Variants in PVT1 observed in about 807,000 individuals in gnomAD.
The protein encoded by PVT1 is Pvt1 oncogene.
intron 3 of PVT1, among the ~76,000 whole-genome samples, chr8:127,982,423 C>T (rs536315240): frequency 3.3e-5 from 5 of 152,282 alleles, no homozygotes; most frequent in African/African-American, 9.6e-5. Flanking sequence ...GTGCCGGGGA[C>T]TCAGCATTAA....
chr8:128,069,600 C>T (rs1333217611), intron 4 of PVT1, among the ~76,000 whole-genome samples: 1 of 152,132 alleles, frequency 6.6e-6, no homozygotes, highest in Non-Finnish European at 1.5e-5. Context: ...AGAGCTGAGT[C>T]CTTAGGGCTC....
chr8:127,864,688 C>T (rs1174596242), intron 2 of PVT1, among the ~76,000 whole-genome samples: 2 of 152,154 alleles, frequency 1.3e-5, no homozygotes, highest in Non-Finnish European at 1.5e-5. Context: ...GCTGGGACTA[C>T]AGGCGCCCAC....
At chr8:127,856,359 CTT>C in intron 2 of PVT1, among the ~76,000 whole-genome samples, 1 of 144,296 alleles carries the variant, frequency 6.9e-6, no homozygotes, top group African/African-American at 2.5e-5. Context: ...ATTTTTTTTT[CTT>C]TTTTTTTTTT....
chr8:127,872,851 G>C (rs982718412), intron 2 of PVT1, among the ~76,000 whole-genome samples: 2 of 152,168 alleles, frequency 1.3e-5, no homozygotes, highest in African/African-American at 4.8e-5. Flanking sequence ...GTGGTCCCTG[G>C]TCCTTTGTGG....
intron 3 of PVT1, among the ~76,000 whole-genome samples, chr8:127,982,687 A>G (rs1035950240): frequency 1.3e-5 from 2 of 149,134 alleles, no homozygotes; most frequent in Non-Finnish European, 3.0e-5. Flanking sequence ...AATAAAATAA[A>G]TGAATCAATT....
intron 2 of PVT1, among the ~76,000 whole-genome samples, chr8:127,859,764 C>A (rs1422813053): frequency 6.6e-6 from 1 of 151,972 alleles, no homozygotes; most frequent in Non-Finnish European, 1.5e-5. Flanking sequence ...ATTTATTGAA[C>A]CTGTCCTAGC....
chr8:127,967,153 C>A (rs1401876815), intron 3 of PVT1, among the ~76,000 whole-genome samples: 1 of 152,168 alleles, frequency 6.6e-6, no homozygotes, highest in South Asian at 2.1e-4. Context: ...AGGTTGGATG[C>A]TGTTTGGTGA....
intron 3 of PVT1, among the ~76,000 whole-genome samples, chr8:127,903,115 T>C (rs57769901): frequency 0.013 from 2,000 of 152,310 alleles, 41 homozygotes; most frequent in African/African-American, 0.044. Context: ...TTTGACTTTT[T>C]AATGAAAACC....
At chr8:128,083,354 G>T (rs1049903972) in intron 5 of PVT1, among the ~76,000 whole-genome samples, 4 of 152,214 alleles carry the variant, frequency 2.6e-5, no homozygotes, top group Non-Finnish European at 5.9e-5. Flanking sequence ...GCCTGGGTTT[G>T]CATCTTGATC....
At chr8:127,911,926 G>T (rs1293841440) in intron 3 of PVT1, among the ~76,000 whole-genome samples, 1 of 152,208 alleles carries the variant, frequency 6.6e-6, no homozygotes, top group East Asian at 1.9e-4. Flanking sequence ...ACAGGTTTAC[G>T]GGTGGTGCTC....
chr8:128,029,668 C>T (rs886935970), intron 4 of PVT1, among the ~76,000 whole-genome samples: 27 of 152,060 alleles, frequency 1.8e-4, no homozygotes, highest in Admixed American at 1.4e-3. Context: ...AGCGTGGTGG[C>T]GCTAACCTTA....
intron 3 of PVT1, among the ~76,000 whole-genome samples, chr8:127,968,345 T>A (rs1280768506): frequency 6.6e-6 from 1 of 152,010 alleles, no homozygotes; most frequent in African/African-American, 2.4e-5. Context: ...TGGATGCCTG[T>A]TGAGTGTAGA....
chr8:127,949,821 A>C (rs1245416803), intron 3 of PVT1, among the ~76,000 whole-genome samples: 1 of 152,284 alleles, frequency 6.6e-6, no homozygotes, highest in East Asian at 1.9e-4. Flanking sequence ...CCGGCTGTGG[A>C]GTTACCCAGA....
At chr8:127,992,601 G>A (rs1198755431) in intron 4 of PVT1, among the ~76,000 whole-genome samples, 1 of 152,110 alleles carries the variant, frequency 6.6e-6, no homozygotes, top group Non-Finnish European at 1.5e-5. Flanking sequence ...TGAGGATGAC[G>A]GAACCTTGCC....
chr8:128,023,242 G>A (rs1030923987), intron 4 of PVT1, among the ~76,000 whole-genome samples: 3 of 152,180 alleles, frequency 2.0e-5, no homozygotes, highest in Non-Finnish European at 2.9e-5. Context: ...GAGATTTCAG[G>A]GCTAGTCACT....
intron 4 of PVT1, among the ~76,000 whole-genome samples, chr8:127,995,994 G>T (rs181300429): frequency 6.6e-6 from 1 of 151,932 alleles, no homozygotes; most frequent in African/African-American, 2.4e-5. Flanking sequence ...ACACATTTGG[G>T]TATCTCCATC....
At chr8:127,920,607 A>G (rs1227068664) in intron 3 of PVT1, among the ~76,000 whole-genome samples, 4 of 152,272 alleles carry the variant, frequency 2.6e-5, no homozygotes, top group African/African-American at 7.2e-5. Flanking sequence ...GTGTGCCCAG[A>G]AGGCTTGTTA....
chr8:127,833,966 C>G (rs1348750277), intron 2 of PVT1, among the ~76,000 whole-genome samples: 1 of 152,174 alleles, frequency 6.6e-6, no homozygotes, highest in Admixed American at 6.5e-5. Context: ...TTGGATCTAA[C>G]AAGCTCACAG....
chr8:127,845,686 C>T (rs1048164120), intron 2 of PVT1, among the ~76,000 whole-genome samples: 4 of 152,152 alleles, frequency 2.6e-5, no homozygotes, highest in African/African-American at 7.2e-5. Context: ...CCGGCAGGGG[C>T]ATAAATAATA....
Sources: gnomAD v4.1 joint callset for allele counts (sites outside exome capture counted in the v4.1 genomes callset) on GRCh38, gnomAD v4.1.1 for gene constraint, MANE v1.5 for transcripts, NCBI Gene and HGNC (gene_info 2026-07-23, HGNC 2026-07-21) for gene names.